Variants in ANKRD30BL observed in about 807,000 individuals in gnomAD.
The protein encoded by ANKRD30BL is ankyrin repeat domain 30B like.
A neutral mutation model predicts 18.4 loss-of-function variants in ANKRD30BL; 20 were observed. The observed-to-expected ratio is 1.09, with a 90% CI of 0.77 to 1.58. The LOEUF is 1.58. Among genes scored for constraint, ANKRD30BL ranks in the 40% most tolerant of loss-of-function variants. The pLI is 0.00. For missense variants in ANKRD30BL, 224 were observed against 268.6 expected (o/e 0.83, Z 1.16); for synonymous variants, 72 against 100.9 (o/e 0.71, Z 1.72).
At chr2:132,240,340 A>T (rs201228157) in intron 1 of ANKRD30BL, among the ~76,000 whole-genome samples, 1 of 151,764 alleles carries the variant, frequency 6.6e-6, no homozygotes, top group Non-Finnish European at 1.5e-5. Flanking sequence ...AACTAGACAG[A>T]AGCATTCCCA....
chr2:132,235,738 A>G (rs548179305), intron 1 of ANKRD30BL, among the ~76,000 whole-genome samples: 4 of 152,270 alleles, frequency 2.6e-5, no homozygotes, highest in Admixed American at 2.6e-4. Context: ...AGGAAGAATC[A>G]ATATCATGAA....
At chr2:132,176,442 C>T (rs1432073641) in intron 1 of ANKRD30BL, among the ~76,000 whole-genome samples, 7 of 152,010 alleles carry the variant, frequency 4.6e-5, no homozygotes, top group African/African-American at 7.2e-5. Flanking sequence ...GCAGAAGAAT[C>T]GCTTGAACCT....
chr2:132,225,321 C>A (rs77172038), intron 1 of ANKRD30BL, among the ~76,000 whole-genome samples: 1 of 151,894 alleles, frequency 6.6e-6, no homozygotes, highest in African/African-American at 2.4e-5. Flanking sequence ...AAACAAATAT[C>A]TTCCCATAAA....
chr2:132,177,222 C>T (rs1268718204), intron 1 of ANKRD30BL, among the ~76,000 whole-genome samples: 10 of 152,004 alleles, frequency 6.6e-5, no homozygotes, highest in South Asian at 6.2e-4. Context: ...GGCACTTCCT[C>T]GTCTCACTGC....
chr2:132,231,358 G>A (rs1486126264), intron 1 of ANKRD30BL, among the ~76,000 whole-genome samples: 1 of 152,212 alleles, frequency 6.6e-6, no homozygotes, highest in African/African-American at 2.4e-5. Flanking sequence ...AATAGGAACA[G>A]CTCTGGTCTA....
chr2:132,221,685 G>T (rs1289221022), intron 1 of ANKRD30BL, among the ~76,000 whole-genome samples: 1 of 121,170 alleles, frequency 8.3e-6, no homozygotes, highest in Non-Finnish European at 1.6e-5. Context: ...CCGTCCGGGA[G>T]GGAGGTGGGG....
At position 132,161,733 on chromosome 2, in the gene ANKRD30BL, C is replaced by T. The variant is rs1356795665; in HGVS notation, c.-28G>A. The T allele has an allele frequency of 9.8e-6, 11 of 1,119,956 alleles. No individual in the cohort carries two copies. In the East Asian group the frequency reaches 1.8e-4, roughly 18 times the overall value. 69.4% of individuals were successfully genotyped at this position (1,119,956 alleles called of 1,614,324 possible). A position where few individuals can be genotyped will look rare whatever the true frequency, so the allele number is the denominator to read the frequency against. Reference sequence around the variant, plus strand: ...CTGCAGCCACCTGCTAGAGAGAGCCCGTGCCTCCCGCTGCTCGCCCTTCCC... The same window carrying T: ...CTGCAGCCACCTGCTAGAGAGAGCCTGTGCCTCCCGCTGCTCGCCCTTCCC... On this transcript the variant is annotated 5_prime_UTR_variant, in exon 1 of 6. Coordinates refer to ENST00000409867, the MANE Select transcript of ANKRD30BL (RefSeq NM_001358416.1).
chr2:132,255,970 T>G (rs1680823469), intron 1 of ANKRD30BL, among the ~76,000 whole-genome samples: 1 of 152,164 alleles, frequency 6.6e-6, no homozygotes, highest in African/African-American at 2.4e-5. Flanking sequence ...TTGGTTTTGA[T>G]CTGATAAATG....
rs1345388299 is a variant in ANKRD30BL, at chr2:132,220,350, GTCCCTCTCCCTC to G, written n.441+37167_441+37178del. Among the ~76,000 whole-genome samples the G allele has an allele frequency of 1.7e-4, 14 of 80,148 alleles. 1 individual carries two copies. The highest frequency in any genetic ancestry group is 1.0e-3 in the Admixed American group (5 of 4,970). The allele number at this position is 80,148 out of a possible 152,430, so 52.6% of individuals were successfully genotyped here. A position where few individuals can be genotyped will look rare whatever the true frequency, so the allele number is the denominator to read the frequency against. ...TGTCCCTCTCCCTCTCCCTCTCCCT[GTCCCTCTCCCTC>G]TCCCTCTCCCTCTCCCCACGGTCTC... On this transcript the variant is annotated intron_variant and non_coding_transcript_variant, in intron 1 of 4. Coordinates refer to the ANKRD30BL transcript ENST00000470729.
At chr2:132,187,168 TTTTGTTTTTTTTTTTG>T (rs1456266976) in intron 1 of ANKRD30BL, among the ~76,000 whole-genome samples, 138 of 145,266 alleles carry the variant, frequency 9.5e-4, no homozygotes, top group Non-Finnish European at 1.5e-3. Context: ...GTAGGAAGTT[TTTTGTTTTTTTTTTTG>T]TTTGTTTTTT....
At chr2:132,175,526 C>G (rs1486973778) in intron 1 of ANKRD30BL, among the ~76,000 whole-genome samples, 1 of 152,202 alleles carries the variant, frequency 6.6e-6, no homozygotes, top group Non-Finnish European at 1.5e-5. Flanking sequence ...AGGCAGGAGA[C>G]AGTGGCCTTC....
chr2:132,228,422 A>G (rs573080981), intron 1 of ANKRD30BL, among the ~76,000 whole-genome samples: 1 of 152,042 alleles, frequency 6.6e-6, no homozygotes, highest in African/African-American at 2.4e-5. Flanking sequence ...TTAGAAAAGG[A>G]AATATATTAC....
At chr2:132,153,795 G>A (rs1386571477) in intron 4 of ANKRD30BL, 1 of 468,118 alleles carries the variant, frequency 2.1e-6, no homozygotes, top group Non-Finnish European at 3.9e-6. Context: ...CAAACGTTAA[G>A]TATCTTGAGT....
At chr2:132,228,372 G>A (rs1679903834) in intron 1 of ANKRD30BL, among the ~76,000 whole-genome samples, 1 of 152,048 alleles carries the variant, frequency 6.6e-6, no homozygotes, top group African/African-American at 2.4e-5. Flanking sequence ...TCTTTTTGTG[G>A]AATCTGCAAG....
At chr2:132,229,080 C>T (rs76608708) in intron 1 of ANKRD30BL, among the ~76,000 whole-genome samples, 4 of 151,932 alleles carry the variant, frequency 2.6e-5, no homozygotes, top group South Asian at 2.1e-4. Context: ...ATTTGAAGGG[C>T]GTTCAGGCCT....
At chr2:132,185,261 C>T (rs1416079576) in intron 1 of ANKRD30BL, among the ~76,000 whole-genome samples, 2 of 152,164 alleles carry the variant, frequency 1.3e-5, no homozygotes, top group Admixed American at 1.3e-4. Flanking sequence ...TGTGCTCCGG[C>T]TCAATCGGCT....
intron 1 of ANKRD30BL, among the ~76,000 whole-genome samples, chr2:132,251,012 C>G (rs1446130109): frequency 1.3e-5 from 2 of 152,212 alleles, no homozygotes; most frequent in African/African-American, 2.4e-5. Flanking sequence ...GGCTAAATGA[C>G]AGCTGTGCTG....
intron 4 of ANKRD30BL, among the ~76,000 whole-genome samples, chr2:132,153,152 C>CA (rs1194188732): frequency 6.1e-5 from 9 of 148,620 alleles, no homozygotes; most frequent in African/African-American, 2.4e-4. Flanking sequence ...GCCATTTCTG[C>CA]CCCCACCGCC....
At position 132,253,605 on chromosome 2, in the gene ANKRD30BL, C is replaced by T. The variant is rs79552168; in HGVS notation, n.441+3924G>A. Reference sequence around the variant, plus strand: ...GTAAAGCCCCCACCGACATCAGTGGCGACACGCAAGTGTGGCGTGGCCCCA... The same window carrying T: ...GTAAAGCCCCCACCGACATCAGTGGTGACACGCAAGTGTGGCGTGGCCCCA... On this transcript the variant is annotated intron_variant and non_coding_transcript_variant, in intron 1 of 4. Coordinates refer to the ANKRD30BL transcript ENST00000470729. Among the ~76,000 whole-genome samples the T allele has an allele frequency of 2.2e-3, 327 of 152,030 alleles. 1 individual carries two copies. Among genetic ancestry groups the T allele is most frequent in the African/African-American group, 7.1e-3 (295 of 41,492 alleles).
Sources: allele counts gnomAD v4.1 joint callset (sites outside exome capture counted in the v4.1 genomes callset), GRCh38; gene constraint gnomAD v4.1.1; transcripts MANE v1.5; gene names NCBI Gene and HGNC (gene_info 2026-07-23, HGNC 2026-07-21).